The following USP54 variants were observed in gnomAD, a reference collection of about 807,000 sequenced individuals.
The protein encoded by USP54 is ubiquitin specific peptidase 54.
Under a neutral mutation model 170.5 loss-of-function variants are expected in USP54, and 87 were observed. The observed-to-expected ratio is 0.51, with a 90% CI of 0.43 to 0.61. USP54 has a LOEUF of 0.61. Ranked by LOEUF, USP54 falls within the 20% of genes least tolerant of loss-of-function variation. The pLI is 0.00. For synonymous variants in USP54, 655 were observed against 742.8 expected, an observed-to-expected ratio of 0.88 and a Z score of 1.92; for missense variants, 1,786 against 2,047.8, an observed-to-expected ratio of 0.87 and a Z score of 2.47.
chr10:73,575,721 T>G (rs879326902), intron 2 of USP54, 46 bp from the exon 3 acceptor site: 4 of 1,499,708 alleles, frequency 2.7e-6, no homozygotes, highest in Non-Finnish European at 3.6e-6. Context: ...GGCAGGAATT[T>G]CTGTCTGCTA....
At chr10:73,579,740 C>T (rs1457338855) in intron 1 of USP54, among the ~76,000 whole-genome samples, 4 of 151,126 alleles carry the variant, frequency 2.6e-5, no homozygotes, top group East Asian at 2.0e-4. Context: ...CTGGATGACA[C>T]GGCAAGACTC....
chr10:73,548,747 G>A (rs2068484924), intron 4 of USP54, among the ~76,000 whole-genome samples: 1 of 152,148 alleles, frequency 6.6e-6, no homozygotes, highest in South Asian at 2.1e-4. Flanking sequence ...GGGGCTGAGG[G>A]AGGGATAGCA....
chr10:73,519,757 C>A, intron 19 of USP54, 40 bp downstream of exon 19: 1 of 1,611,620 alleles, frequency 6.2e-7, no homozygotes. Flanking sequence ...GTCATTTCTT[C>A]CCCTGGCATT....
chr10:73,588,454 C>A (rs1203866482), intron 1 of USP54, among the ~76,000 whole-genome samples: 1 of 152,152 alleles, frequency 6.6e-6, no homozygotes, highest in East Asian at 1.9e-4. Context: ...AAACTCCTGA[C>A]CTCAAGCGAT....
At chr10:73,541,294 T>C (rs1041494573) in intron 9 of USP54, 81 bp downstream of exon 9, 3 of 1,575,356 alleles carry the variant, frequency 1.9e-6, no homozygotes, top group African/African-American at 2.7e-5. Flanking sequence ...AGGACATACC[T>C]GTTTGTCTAG....
At chr10:73,571,605 C>A in intron 3 of USP54, 92 bp from the exon 4 acceptor site, 1 of 901,416 alleles carries the variant, frequency 1.1e-6, no homozygotes, top group Non-Finnish European at 1.7e-6. Context: ...GTAATGACTG[C>A]AGAAGATGTC....
chr10:73,580,816 TG>T (rs769248362), intron 1 of USP54, among the ~76,000 whole-genome samples: 7 of 152,034 alleles, frequency 4.6e-5, no homozygotes, highest in Non-Finnish European at 8.8e-5. Flanking sequence ...TGACTTCAGG[TG>T]ATCCTCCCGC....
chr10:73,568,902 T>A (rs1307772291), intron 4 of USP54, among the ~76,000 whole-genome samples: 2 of 152,218 alleles, frequency 1.3e-5, no homozygotes, highest in Non-Finnish European at 2.9e-5. Context: ...ACTTTCTTCA[T>A]CTTTCTGGCT....
rs780429102 is a variant in USP54 at position 73,530,777 on chromosome 10, T to C, written c.1374A>G (p.Ile458Met). The C allele has an allele frequency of 1.2e-6, 2 of 1,614,062 alleles. No individual in the cohort carries two copies. Among genetic ancestry groups the C allele is most frequent in the South Asian group, 2.2e-5 (2 of 91,082 alleles). ...QKHTSKKGSL[I>M]ERKRSSGRVR... ...CCCGACCAGAGCTCCTCTTGCGCTC[T>C]ATCAGTGACCCTTTCTTGGATGTGT... Residue 458 changes from isoleucine to methionine, a missense_variant, in exon 13 of 24, where the codon ATA (isoleucine) becomes ATG (methionine). By Grantham distance (10) the Ile-to-Met change is conservative (BLOSUM62 1). This residue lies in a region of USP54 where 1,418 missense variants were observed against 1,569.0 expected (regional missense o/e 0.90). Coordinates refer to ENST00000687698, the MANE Select transcript of USP54 (RefSeq NM_001391956.1).
chr10:73,620,482 C>CT (rs770755452), intron 1 of USP54, among the ~76,000 whole-genome samples: 1,799 of 126,156 alleles, frequency 0.014, 48 homozygotes, highest in Non-Finnish European at 0.015. Context: ...TCTGGGGATT[C>CT]TTTTTTTTTT....
chr10:73,608,670 C>G (rs1266164518), intron 1 of USP54, among the ~76,000 whole-genome samples: 1 of 152,102 alleles, frequency 6.6e-6, no homozygotes, highest in Non-Finnish European at 1.5e-5. Context: ...CCGAGGTGGG[C>G]AGATCATTTG....
At chr10:73,578,586 A>AT (rs1164623376) in intron 1 of USP54, among the ~76,000 whole-genome samples, 4 of 152,074 alleles carry the variant, frequency 2.6e-5, no homozygotes, top group Non-Finnish European at 5.9e-5. Context: ...TAATTTTTGT[A>AT]TTTTTAGTAG....
In USP54 at chr10:73,545,476, C is replaced by T; in HGVS notation, c.375+62G>A. 6.3e-6 allele frequency: 10 copies of T among 1,588,970 alleles called. 1 individual carries two copies. In the South Asian group the frequency reaches 1.1e-4, roughly 18 times the overall value. On this transcript the variant is annotated intron_variant, in intron 5 of 23. Coordinates refer to ENST00000687698, the MANE Select transcript of USP54 (RefSeq NM_001391956.1). ...CAAATTCCACCATAAAGTAGCCAGT[C>T]CCTGATGGAGACCATCAGCAGTCCC...
intron 5 of USP54, among the ~76,000 whole-genome samples, chr10:73,543,374 T>G (rs1309176738): frequency 1.3e-5 from 2 of 152,170 alleles, no homozygotes; most frequent in African/African-American, 4.8e-5. Flanking sequence ...TTGTTTGTTT[T>G]TTTGTTTTTT....
At position 73,589,608 on chromosome 10, in the gene USP54, C is replaced by A. The variant is rs944235624; in HGVS notation, c.-582+1670G>T. ...TTATTTATTAATCATTATAAATATA[C>A]CCGTACTCAAATTATTTCAGTACAA... On this transcript the variant is annotated intron_variant, in intron 1 of 23. Transcript: ENST00000687698. Among the ~76,000 whole-genome samples the A allele has an allele frequency of 2.6e-5, 4 of 152,080 alleles. No individual in the cohort carries two copies. In the East Asian group the frequency reaches 7.7e-4, roughly 29 times the overall value.
rs190077305 is a variant in USP54 at position 73,618,918 on chromosome 10, A to T, written c.-18+6649T>A. Among the ~76,000 whole-genome samples, 89 of 149,666 alleles carry T rather than the reference A, an allele frequency of 5.9e-4. 4 individuals are homozygous for T. Among genetic ancestry groups the T allele is most frequent in the African/African-American group, 2.1e-3 (82 of 39,300 alleles). On this transcript the variant is annotated intron_variant, in intron 1 of 22. Coordinates refer to the USP54 transcript ENST00000339859. ...AGAGCGAGACTCCATCTCAAAAAAAATTTTTTTGGTAGAGGCCAGGCAGGT... is the reference window on the plus strand; with the variant it reads ...AGAGCGAGACTCCATCTCAAAAAAATTTTTTTTGGTAGAGGCCAGGCAGGT...
At chr10:73,506,952 T>C (rs2059236641) in intron 20 of USP54, 1 of 152,126 alleles carries the variant, frequency 6.6e-6, no homozygotes, top group South Asian at 2.1e-4. Flanking sequence ...ACTGACATAA[T>C]TTATAGTAGC....
chr10:73,548,659 C>G (rs912918232), intron 4 of USP54, among the ~76,000 whole-genome samples: 1 of 152,084 alleles, frequency 6.6e-6, no homozygotes, highest in African/African-American at 2.4e-5. Flanking sequence ...TGTTCTCACT[C>G]ATAGGTGGGA....
intron 1 of USP54, among the ~76,000 whole-genome samples, chr10:73,580,632 G>A (rs571965594): frequency 6.6e-6 from 1 of 152,216 alleles, no homozygotes; most frequent in African/African-American, 2.4e-5. Context: ...GAGCGCAATG[G>A]TGTGATCTTG....
Sources: allele counts gnomAD v4.1 joint callset (sites outside exome capture counted in the v4.1 genomes callset), GRCh38; gene constraint gnomAD v4.1.1; regional missense constraint gnomAD v4.1.1; transcripts MANE v1.5; gene names NCBI Gene and HGNC (gene_info 2026-07-23, HGNC 2026-07-21).